The following FER variants were observed in gnomAD, a reference collection of about 807,000 sequenced individuals.
FER encodes tyrosine-protein kinase Fer.
In FER, 63 loss-of-function variants were observed where a neutral mutation model predicts 111.0. The ratio of observed to expected loss-of-function variants is 0.57; its 90% CI spans 0.46 to 0.70. The LOEUF is 0.70. Ranked by LOEUF, FER falls within the 30% of genes least tolerant of loss-of-function variation. The probability of loss-of-function intolerance (pLI) is 0.00; values close to 1 mark genes in which losing one functional copy is unlikely to be tolerated. For missense variants in FER, 914 were observed against 954.0 expected (o/e 0.96, Z 0.55); for synonymous variants, 327 against 313.9 (o/e 1.04, Z -0.44).
chr5:108,868,074 C>T (rs1764250801), intron 6 of FER, 124 bp downstream of exon 6: 2 of 783,674 alleles, frequency 2.6e-6, no homozygotes, highest in Non-Finnish European at 3.9e-6. Context: ...TATTTCAGAC[C>T]TTGATTCTTC....
At chr5:108,907,308 T>G (rs111460932) in intron 10 of FER, among the ~76,000 whole-genome samples, 3 of 151,886 alleles carry the variant, frequency 2.0e-5, no homozygotes, top group African/African-American at 7.3e-5. Context: ...CTTTTCTTTT[T>G]TTTTGAGATG....
chr5:108,853,486 A>G (rs568558499), intron 5 of FER, among the ~76,000 whole-genome samples: 203 of 152,368 alleles, frequency 1.3e-3, no homozygotes, highest in African/African-American at 4.4e-3. Context: ...GAAGATGATC[A>G]TGTATTCCTC....
intron 2 of FER, among the ~76,000 whole-genome samples, chr5:108,778,214 G>A (rs922622877): frequency 6.6e-6 from 1 of 152,090 alleles, no homozygotes; most frequent in Non-Finnish European, 1.5e-5. Flanking sequence ...AGACATCTTG[G>A]TTGCTTCCAA....
At chr5:108,852,773 C>T (rs1349251439) in intron 5 of FER, among the ~76,000 whole-genome samples, 1 of 152,054 alleles carries the variant, frequency 6.6e-6, no homozygotes, top group Non-Finnish European at 1.5e-5. Flanking sequence ...AGTGAAATTT[C>T]ATTAATATGA....
At chr5:108,817,597 T>G (rs908810726) in intron 3 of FER, among the ~76,000 whole-genome samples, 4 of 152,236 alleles carry the variant, frequency 2.6e-5, no homozygotes, top group Admixed American at 2.6e-4. Context: ...GTGATTTATT[T>G]TCAATGTTTT....
Position 109,187,687 on chromosome 5 carries a change from A to G in FER, c.*112A>G. On this transcript the variant is annotated 3_prime_UTR_variant, in exon 20 of 20. Coordinates refer to ENST00000281092, the MANE Select transcript of FER (RefSeq NM_005246.4). The stretch of plus-strand genomic sequence containing the variant: ...ACATTACCTTCGACAGTCTTCTACC[A>G]TTATTTTTTATTAACTGGGTGTTTT... 7.9e-7 allele frequency: 1 copy of G among 1,260,644 alleles called. No individual in the cohort carries two copies. Among genetic ancestry groups the G allele is most frequent in the Middle Eastern group, 2.4e-4 (1 of 4,120 alleles). 78.1% of individuals were successfully genotyped at this position (1,260,644 alleles called of 1,614,324 possible).
At chr5:108,750,461 T>C (rs1463176348) in intron 1 of FER, among the ~76,000 whole-genome samples, 1 of 152,210 alleles carries the variant, frequency 6.6e-6, no homozygotes, top group African/African-American at 2.4e-5. Context: ...CTTCCAAAGA[T>C]GCTGGGAATA....
intron 3 of FER, among the ~76,000 whole-genome samples, chr5:108,827,112 GTCTCT>G (rs530349516): frequency 2.0e-5 from 3 of 152,140 alleles, no homozygotes; most frequent in Non-Finnish European, 4.4e-5. Context: ...ATGGTTATTG[GTCTCT>G]TTGAATTTCG....
At chr5:109,064,099 T>G (rs980372620) in intron 16 of FER, among the ~76,000 whole-genome samples, 1 of 152,208 alleles carries the variant, frequency 6.6e-6, no homozygotes, top group Non-Finnish European at 1.5e-5. Flanking sequence ...CTTGGATTGC[T>G]TTAGTATTTC....
intron 14 of FER, among the ~76,000 whole-genome samples, chr5:109,044,472 C>T (rs1016328612): frequency 1.3e-5 from 2 of 152,110 alleles, no homozygotes; most frequent in East Asian, 1.9e-4. Context: ...TGAGCCACCA[C>T]GCCTGGCCAA....
intron 16 of FER, among the ~76,000 whole-genome samples, chr5:109,082,445 C>G (rs564132025): frequency 1.6e-4 from 24 of 152,142 alleles, no homozygotes; most frequent in African/African-American, 5.5e-4. Flanking sequence ...AGATAAAATA[C>G]ATGGATTTGA....
chr5:109,146,350 G>C (rs1287133376), intron 17 of FER, among the ~76,000 whole-genome samples: 2 of 138,558 alleles, frequency 1.4e-5, no homozygotes, highest in Admixed American at 7.5e-5. Flanking sequence ...GGAGAACCAG[G>C]TCCAGCTCTT....
intron 3 of FER, among the ~76,000 whole-genome samples, chr5:108,826,986 G>A (rs1473701162): frequency 6.6e-6 from 1 of 151,974 alleles, no homozygotes; most frequent in African/African-American, 2.4e-5. Context: ...AATTTAAGTA[G>A]CACCAAAGTT....
chr5:108,800,830 A>G (rs1190102111), intron 3 of FER, among the ~76,000 whole-genome samples: 1 of 151,990 alleles, frequency 6.6e-6, no homozygotes, highest in Non-Finnish European at 1.5e-5. Flanking sequence ...GCGGATCACA[A>G]GGTCAGGAGA....
At chr5:109,060,063 C>CA (rs1472705870) in intron 16 of FER, among the ~76,000 whole-genome samples, 1 of 152,040 alleles carries the variant, frequency 6.6e-6, no homozygotes, top group African/African-American at 2.4e-5. Flanking sequence ...CAAGTGAAGT[C>CA]AAAAGACTAC....
In FER at chr5:109,076,656, T is replaced by G. The variant is rs151204366; in HGVS notation, c.1925-23740T>G. Among the ~76,000 whole-genome samples, 109 of 152,268 alleles carry G rather than the reference T, an allele frequency of 7.2e-4. 1 individual carries two copies. The East Asian group carries it at 0.019, about 26-fold the overall frequency. On this transcript the variant is annotated intron_variant, in intron 16 of 19. Coordinates refer to ENST00000281092, the MANE Select transcript of FER (RefSeq NM_005246.4). Reference sequence around the variant, plus strand: ...TTTCGCTTTGTTGCCCAAGCTGGTCTCGAACTCCTGGGCTCATGTGATTCA... The same window carrying G: ...TTTCGCTTTGTTGCCCAAGCTGGTCGCGAACTCCTGGGCTCATGTGATTCA...
intron 10 of FER, among the ~76,000 whole-genome samples, chr5:108,914,137 G>T (rs1382053566): frequency 2.0e-5 from 3 of 151,872 alleles, no homozygotes; most frequent in African/African-American, 4.8e-5. Context: ...TGTAAACTTT[G>T]CTATATTCAT....
intron 13 of FER, among the ~76,000 whole-genome samples, chr5:108,960,843 G>A (rs1242518924): frequency 2.6e-5 from 4 of 152,134 alleles, no homozygotes; most frequent in Non-Finnish European, 4.4e-5. Context: ...GTCATAAATT[G>A]AGGGGTCTTC....
At chr5:108,831,932 G>A (rs1337143100) in intron 3 of FER, among the ~76,000 whole-genome samples, 1 of 151,816 alleles carries the variant, frequency 6.6e-6, no homozygotes, top group African/African-American at 2.4e-5. Context: ...TTTCTGAATA[G>A]AATATTGAAT....
Sources: allele counts gnomAD v4.1 joint callset (sites outside exome capture counted in the v4.1 genomes callset), GRCh38; gene constraint gnomAD v4.1.1; transcripts MANE v1.5; gene names NCBI Gene and HGNC (gene_info 2026-07-23, HGNC 2026-07-21).